The following TXNDC8 variants were observed in gnomAD, a reference collection of about 807,000 sequenced individuals.
TXNDC8 encodes the protein thioredoxin domain-containing protein 8.
In TXNDC8, 15 loss-of-function variants were observed where a neutral mutation model predicts 12.9. The observed-to-expected ratio is 1.16, with a 90% CI of 0.78 to 1.79. The LOEUF (loss-of-function observed/expected upper bound fraction) is 1.79. Ranked by LOEUF, TXNDC8 falls within the 40% of genes most tolerant of loss-of-function variation. The probability of loss-of-function intolerance (pLI) is 0.00; values close to 1 mark genes in which losing one functional copy is unlikely to be tolerated. For missense variants in TXNDC8, 128 were observed against 113.2 expected, an observed-to-expected ratio of 1.13 and a Z score of -0.59; for synonymous variants, 40 against 35.4, an observed-to-expected ratio of 1.13 and a Z score of -0.46.
chr9:110,314,444 T>C (rs1442071520), intron 3 of TXNDC8, among the ~76,000 whole-genome samples: 2 of 148,980 alleles, frequency 1.3e-5, no homozygotes, highest in Non-Finnish European at 3.0e-5. Context: ...TTTTCTTTTT[T>C]TTTTTTGAGA....
chr9:110,324,140 T>TAG, intron 3 of TXNDC8: 1 of 1,154,630 alleles, frequency 8.7e-7, no homozygotes. Flanking sequence ...AACTGATGGA[T>TAG]AGAGGCCTGA....
intron 2 of TXNDC8, among the ~76,000 whole-genome samples, chr9:110,332,057 G>A (rs1020348302): frequency 2.0e-5 from 3 of 151,994 alleles, no homozygotes; most frequent in African/African-American, 7.2e-5. Flanking sequence ...TGGTTATGGC[G>A]AAGTTAGAAT....
intron 3 of TXNDC8, chr9:110,324,137 G>A (rs2118822883): frequency 8.5e-7 from 1 of 1,171,408 alleles, no homozygotes; most frequent in Non-Finnish European, 1.1e-6. Flanking sequence ...AGTAACTGAT[G>A]GATAGAGGCC....
intron 3 of TXNDC8, among the ~76,000 whole-genome samples, chr9:110,305,552 TTC>T (rs1838406551): frequency 2.7e-5 from 2 of 72,750 alleles, no homozygotes; most frequent in Middle Eastern, 6.7e-3. Flanking sequence ...TTCTTTTTCT[TTC>T]TTTCTTTCTT....
chr9:110,308,700 C>T (rs76806461), intron 3 of TXNDC8, among the ~76,000 whole-genome samples: 3,851 of 152,246 alleles, frequency 0.025, 148 homozygotes, highest in African/African-American at 0.087. Context: ...CATTTACTTT[C>T]CTTCTACCAC....
At chr9:110,335,023 C>T (rs1839691568) in intron 1 of TXNDC8, among the ~76,000 whole-genome samples, 1 of 152,116 alleles carries the variant, frequency 6.6e-6, no homozygotes, top group Non-Finnish European at 1.5e-5. Flanking sequence ...GTTTCCCTTC[C>T]TGGGACTCAG....
intron 3 of TXNDC8, among the ~76,000 whole-genome samples, chr9:110,308,010 T>C (rs1340539200): frequency 6.6e-6 from 1 of 152,212 alleles, no homozygotes; most frequent in Admixed American, 6.5e-5. Flanking sequence ...GGGGTTCACA[T>C]TTGGCAACCA....
chr9:110,319,813 C>T (rs1390873931), intron 3 of TXNDC8, among the ~76,000 whole-genome samples: 4 of 152,278 alleles, frequency 2.6e-5, no homozygotes, highest in Admixed American at 6.5e-5. Context: ...TAGCATACCA[C>T]GGTATCACCT....
At chr9:110,303,860 C>T (rs1022003112) in intron 4 of TXNDC8, 12 of 661,854 alleles carry the variant, frequency 1.8e-5, no homozygotes, top group African/African-American at 7.3e-5. Context: ...ATAATAATCT[C>T]GGAAATAAAC....
chr9:110,323,740 A>T, intron 3 of TXNDC8: 1 of 1,070,800 alleles, frequency 9.3e-7, no homozygotes, highest in Non-Finnish European at 1.3e-6. Context: ...CAATGCCATT[A>T]GTACTCTTGG....
chr9:110,325,584 G>T (rs193188852), intron 3 of TXNDC8, among the ~76,000 whole-genome samples: 1 of 147,932 alleles, frequency 6.8e-6, no homozygotes, highest in Non-Finnish European at 1.5e-5. Context: ...GCAGTGGCGC[G>T]ATCTTGGCTC....
At chr9:110,326,724 C>T (rs1223151353) in intron 2 of TXNDC8, among the ~76,000 whole-genome samples, 1 of 152,076 alleles carries the variant, frequency 6.6e-6, no homozygotes, top group African/African-American at 2.4e-5. Flanking sequence ...CCTTCACTGC[C>T]AATCTTTGTG....
chr9:110,311,768 T>C (rs1253377300), intron 3 of TXNDC8, among the ~76,000 whole-genome samples: 1 of 127,396 alleles, frequency 7.8e-6, no homozygotes, highest in Non-Finnish European at 1.8e-5. Context: ...CTATGTACTA[T>C]ATATATACTA....
intron 3 of TXNDC8, among the ~76,000 whole-genome samples, chr9:110,311,348 A>C (rs1838655203): frequency 6.6e-6 from 1 of 151,574 alleles, no homozygotes; most frequent in South Asian, 2.1e-4. Context: ...GGTATTTTTC[A>C]ATAAAAATAT....
At chr9:110,316,776 G>A (rs1274106443) in intron 3 of TXNDC8, among the ~76,000 whole-genome samples, 1 of 152,204 alleles carries the variant, frequency 6.6e-6, no homozygotes. Context: ...TAATGCAAGA[G>A]TGCTTTTCTT....
chr9:110,333,090 T>C (rs1448383088), intron 2 of TXNDC8, among the ~76,000 whole-genome samples: 7 of 151,984 alleles, frequency 4.6e-5, no homozygotes, highest in African/African-American at 1.7e-4. Flanking sequence ...AAGGAGTAAA[T>C]GAGTTGTTTA....
intron 1 of TXNDC8, 62 bp downstream of exon 1, chr9:110,337,711 T>A (rs76222661): frequency 0.013 from 20,369 of 1,534,580 alleles, 158 homozygotes; most frequent in Middle Eastern, 0.025. Flanking sequence ...CTTAAAGTTT[T>A]TCAAATCTGT....
chr9:110,336,323 G>A lies in TXNDC8; in HGVS notation c.24+1450C>T, dbSNP rs886804682. Among the ~76,000 whole-genome samples the A allele has an allele frequency of 9.2e-5, 14 of 152,280 alleles. No homozygotes were observed. In the South Asian group the frequency reaches 2.9e-3, roughly 32 times the overall value. ...GTGAAAGTGATGACTCAAAGAAGATGCACTCTCTTTCTTTATCAATATTCC... is the reference window on the plus strand; with the variant it reads ...GTGAAAGTGATGACTCAAAGAAGATACACTCTCTTTCTTTATCAATATTCC... On this transcript the variant is annotated intron_variant, in intron 1 of 4. Coordinates refer to ENST00000423740, the MANE Select transcript of TXNDC8 (RefSeq NM_001286946.2).
chr9:110,329,361 T>C, intron 2 of TXNDC8, 70 bp from the exon 3 acceptor site: 1 of 1,260,990 alleles, frequency 7.9e-7, no homozygotes, highest in Non-Finnish European at 1.1e-6. Context: ...GGAAGTGTCT[T>C]TTCAGTAGAA....
Sources: allele counts gnomAD v4.1 joint callset (sites outside exome capture counted in the v4.1 genomes callset), GRCh38; gene constraint gnomAD v4.1.1; transcripts MANE v1.5; gene names NCBI Gene and HGNC (gene_info 2026-07-23, HGNC 2026-07-21).